Variants in WWTR1 observed in about 807,000 individuals in gnomAD.
WWTR1 encodes WW domain-containing transcription regulator protein 1.
WWTR1 carries 13 observed loss-of-function variants against 40.1 expected under a neutral mutation model. The ratio of observed to expected loss-of-function variants is 0.32; its 90% CI spans 0.21 to 0.52. The LOEUF is 0.52. Among genes scored for constraint, WWTR1 ranks in the 20% least tolerant of loss-of-function variants. The pLI, the probability that WWTR1 is intolerant of heterozygous loss-of-function variation, is 0.97. For missense variants in WWTR1, 436 were observed against 523.1 expected, an observed-to-expected ratio of 0.83 and a Z score of 1.63; for synonymous variants, 230 against 210.1, an observed-to-expected ratio of 1.09 and a Z score of -0.82.
At chr3:149,697,334 C>T (rs1014968726) in intron 1 of WWTR1, among the ~76,000 whole-genome samples, 1 of 150,408 alleles carries the variant, frequency 6.6e-6, no homozygotes, top group South Asian at 2.2e-4. Context: ...ACAAACAGAT[C>T]TCATGTAAAA....
chr3:149,647,028 A>G (rs371672533), intron 2 of WWTR1, among the ~76,000 whole-genome samples: 11 of 152,236 alleles, frequency 7.2e-5, no homozygotes, highest in African/African-American at 2.4e-4. Flanking sequence ...ACTCCAAGAT[A>G]TATTATACTA....
intron 4 of WWTR1, among the ~76,000 whole-genome samples, chr3:149,720,561 A>G (rs1715730570): frequency 1.3e-5 from 2 of 152,008 alleles, no homozygotes; most frequent in Admixed American, 1.3e-4. Context: ...TGAGTCCTCC[A>G]GCTTTGTTCT....
At chr3:149,625,549 G>A (rs932176438) in intron 2 of WWTR1, among the ~76,000 whole-genome samples, 1 of 152,080 alleles carries the variant, frequency 6.6e-6, no homozygotes, top group Non-Finnish European at 1.5e-5. Context: ...CCAGCACTTT[G>A]GAAGGCCAAG....
chr3:149,676,659 T>C (rs2108198393), intron 1 of WWTR1, among the ~76,000 whole-genome samples: 1 of 152,264 alleles, frequency 6.6e-6, no homozygotes, highest in East Asian at 1.9e-4. Context: ...CTAAGTAATT[T>C]GCCCATGCGC....
intron 2 of WWTR1, among the ~76,000 whole-genome samples, chr3:149,579,584 G>A (rs1329866975): frequency 6.6e-6 from 1 of 152,096 alleles, no homozygotes; most frequent in African/African-American, 2.4e-5. Flanking sequence ...GGCTGAGGCG[G>A]GAGGACTGCT....
At chr3:149,534,722 T>C (rs12630331) in intron 4 of WWTR1, among the ~76,000 whole-genome samples, 13,844 of 152,186 alleles carry the variant, frequency 0.091, 1,473 homozygotes, top group African/African-American at 0.24. Flanking sequence ...TGTCCAAGCT[T>C]GGGGTGGAAA....
At chr3:149,545,713 G>A (rs763617479) in intron 3 of WWTR1, among the ~76,000 whole-genome samples, 1 of 152,198 alleles carries the variant, frequency 6.6e-6, no homozygotes, top group African/African-American at 2.4e-5. Context: ...GTAGAGACAG[G>A]ATTTTGCCAT....
intron 2 of WWTR1, among the ~76,000 whole-genome samples, chr3:149,594,465 T>C (rs1471763738): frequency 6.6e-6 from 1 of 152,250 alleles, no homozygotes; most frequent in Non-Finnish European, 1.5e-5. Context: ...TTATTGCTTC[T>C]ATCCTGATAA....
At chr3:149,681,147 C>T (rs1233094139) in intron 1 of WWTR1, among the ~76,000 whole-genome samples, 2 of 152,202 alleles carry the variant, frequency 1.3e-5, no homozygotes, top group African/African-American at 4.8e-5. Context: ...AGTTTTCCCA[C>T]ATTTTCTCTA....
At chr3:149,551,069 G>A (rs749431046) in intron 3 of WWTR1, among the ~76,000 whole-genome samples, 2 of 144,334 alleles carry the variant, frequency 1.4e-5, no homozygotes, top group Non-Finnish European at 3.0e-5. Context: ...AGGCTGAGGC[G>A]GGCAAATCAC....
At chr3:149,560,244 G>A (rs926449363) in intron 3 of WWTR1, among the ~76,000 whole-genome samples, 6 of 152,274 alleles carry the variant, frequency 3.9e-5, no homozygotes, top group Admixed American at 2.6e-4. Flanking sequence ...TCGTAGTTTC[G>A]ACACTGAGAT....
intron 5 of WWTR1, among the ~76,000 whole-genome samples, chr3:149,715,540 C>CA (rs1715587483): frequency 6.6e-6 from 1 of 152,242 alleles, no homozygotes; most frequent in African/African-American, 2.4e-5. Flanking sequence ...ACACCTGACT[C>CA]AGTCTCCCTT....
intron 4 of WWTR1, among the ~76,000 whole-genome samples, chr3:149,723,513 G>T (rs1466683036): frequency 1.3e-5 from 2 of 152,114 alleles, no homozygotes; most frequent in Non-Finnish European, 2.9e-5. Flanking sequence ...TGTTTTTGTT[G>T]TTGTTGTTGT....
chr3:149,713,741 G>A lies in WWTR1; in HGVS notation n.584+3701C>T, dbSNP rs569375048. Among the ~76,000 whole-genome samples the A allele has an allele frequency of 1.4e-3, 218 of 152,230 alleles. 1 individual carries two copies. The highest frequency in any genetic ancestry group is 2.7e-3 in the Non-Finnish European group (184 of 68,044). ...ATCTGAGCCAGTTATAAGGATCACA[G>A]TGATAGCAGCAGCAGAGGGGCATGG... On this transcript the variant is annotated intron_variant and non_coding_transcript_variant, in intron 5 of 6. Coordinates refer to the WWTR1 transcript ENST00000474080.
chr3:149,716,485 GA>G (rs749084775), intron 5 of WWTR1, among the ~76,000 whole-genome samples: 34 of 151,972 alleles, frequency 2.2e-4, no homozygotes, highest in Non-Finnish European at 4.4e-4. Context: ...CAAAGCCACA[GA>G]AAGATAAAAA....
intron 2 of WWTR1, 79 bp downstream of exon 2, chr3:149,656,781 TCTCTCTCTCTCACACA>T (rs1713238596): frequency 9.9e-7 from 1 of 1,007,202 alleles, no homozygotes; most frequent in Non-Finnish European, 1.3e-6. Context: ...TCTCTCTCTC[TCTCTCTCTCTCACACA>T]CACACACACA....
chr3:149,663,651 A>G (rs1382179460), intron 2 of WWTR1, among the ~76,000 whole-genome samples: 1 of 152,140 alleles, frequency 6.6e-6, no homozygotes, highest in African/African-American at 2.4e-5. Flanking sequence ...AGCCGAGATC[A>G]TGCCATTGCA....
intron 1 of WWTR1, among the ~76,000 whole-genome samples, chr3:149,696,812 G>A (rs1202864852): frequency 6.6e-6 from 1 of 152,054 alleles, no homozygotes; most frequent in Non-Finnish European, 1.5e-5. Flanking sequence ...ATCCTCACAG[G>A]CTTTACAATA....
chr3:149,645,721 G>A (rs2117754), intron 2 of WWTR1, among the ~76,000 whole-genome samples: 92,163 of 152,028 alleles, frequency 0.61, 28,131 homozygotes, highest in Middle Eastern at 0.69. Flanking sequence ...AGGCTAAGAA[G>A]TGCTTTGCAA....
Sources: gnomAD v4.1 joint callset for allele counts (sites outside exome capture counted in the v4.1 genomes callset) on GRCh38, gnomAD v4.1.1 for gene constraint, MANE v1.5 for transcripts, NCBI Gene and HGNC (gene_info 2026-07-23, HGNC 2026-07-21) for gene names.